The following CTNND2 variants were observed in gnomAD, a reference collection of about 807,000 sequenced individuals.
The protein encoded by CTNND2 is catenin delta-2.
In CTNND2, 22 loss-of-function variants were observed where a neutral mutation model predicts 144.4. That is an observed-to-expected ratio of 0.15 (90% CI 0.11 to 0.22). The LOEUF (loss-of-function observed/expected upper bound fraction) is 0.22, where lower values mean the gene tolerates loss of function less well. Ranked by LOEUF, CTNND2 falls within the 10% of genes least tolerant of loss-of-function variation. The pLI, the probability that CTNND2 is intolerant of heterozygous loss-of-function variation, is 1.00. For synonymous variants in CTNND2, 751 were observed against 695.6 expected, an observed-to-expected ratio of 1.08 and a Z score of -1.25; for missense variants, 1,353 against 1,618.8, an observed-to-expected ratio of 0.84 and a Z score of 2.82.
At position 11,346,690 on chromosome 5, in the gene CTNND2, A is replaced by G; in HGVS notation, c.1373-63T>C. The G allele has an allele frequency of 2.2e-6, 3 of 1,381,900 alleles. No individual in the cohort carries two copies. The South Asian group carries it at 5.3e-5, about 24-fold the overall frequency. The allele number at this position is 1,381,900 out of a possible 1,614,324, so 85.6% of individuals were successfully genotyped here. A position where few individuals can be genotyped will look rare whatever the true frequency, so the allele number is the denominator to read the frequency against. On this transcript the variant is annotated intron_variant, in intron 8 of 21. Transcript: ENST00000304623. ...GACCTGCTCACAGAAATGGTTAACC[A>G]GGTCTAGGCAGGGGCAGGGGAAGTT...
intron 1 of CTNND2, among the ~76,000 whole-genome samples, chr5:11,739,445 A>G (rs547021792): frequency 1.3e-5 from 2 of 152,320 alleles, no homozygotes; most frequent in African/African-American, 2.4e-5. Flanking sequence ...CCTTGCCTGC[A>G]AACTTTCAAC....
chr5:11,578,669 GAATAAATAAATA>G (rs57654816), intron 2 of CTNND2, among the ~76,000 whole-genome samples: 26 of 146,102 alleles, frequency 1.8e-4, no homozygotes, highest in South Asian at 1.1e-3. Context: ...ACAAATACAT[GAATAAATAAATA>G]AATAAATAAA....
At chr5:11,687,743 A>G (rs548190073) in intron 2 of CTNND2, among the ~76,000 whole-genome samples, 1 of 152,312 alleles carries the variant, frequency 6.6e-6, no homozygotes, top group Admixed American at 6.5e-5. Flanking sequence ...TCTAGTGGAG[A>G]CAGACACTGA....
intron 3 of CTNND2, among the ~76,000 whole-genome samples, chr5:11,492,744 C>G (rs116605343): frequency 0.016 from 2,489 of 151,532 alleles, 69 homozygotes; most frequent in African/African-American, 0.058. Context: ...ATATACATAC[C>G]TATATTTATT....
chr5:11,545,112 C>A (rs1775103258), intron 3 of CTNND2, among the ~76,000 whole-genome samples: 1 of 124,212 alleles, frequency 8.1e-6, no homozygotes, highest in South Asian at 2.7e-4. Flanking sequence ...CAGAGCGAGA[C>A]TCCGTCTCAA....
Position 11,212,800 on chromosome 5 carries a change from C to T in CTNND2, c.1762-13139G>A, listed in dbSNP as rs60443760. Among the ~76,000 whole-genome samples, 419 of 152,236 alleles carry T rather than the reference C, an allele frequency of 2.8e-3. 2 individuals are homozygous for T. Among genetic ancestry groups the T allele is most frequent in the African/African-American group, 9.7e-3 (401 of 41,552 alleles). ...GTAAGGGCCTGGGCCTGGGCCTGCA[C>T]GGAGCCCCTCCCAGAGGTAAGAGAC... On this transcript the variant is annotated intron_variant, in intron 10 of 21. Coordinates refer to ENST00000304623, the MANE Select transcript of CTNND2 (RefSeq NM_001332.4).
At chr5:11,612,376 T>C (rs985569119) in intron 2 of CTNND2, among the ~76,000 whole-genome samples, 5 of 152,296 alleles carry the variant, frequency 3.3e-5, no homozygotes, top group Admixed American at 6.5e-5. Flanking sequence ...TAAAGACTAG[T>C]ACTAAGTAGT....
chr5:11,467,004 C>G (rs1473162975), intron 3 of CTNND2, among the ~76,000 whole-genome samples: 3 of 152,192 alleles, frequency 2.0e-5, no homozygotes, highest in African/African-American at 7.2e-5. Flanking sequence ...AAGACCTGAG[C>G]CAGGACAGCT....
chr5:11,082,554 G>A lies in CTNND2; in HGVS notation c.2788+142C>T, dbSNP rs1319429851. 7 of 906,540 alleles carry A rather than the reference G, an allele frequency of 7.7e-6. No homozygotes were observed. In the African/African-American group the frequency reaches 1.2e-4, roughly 15 times the overall value. The allele number at this position is 906,540 out of a possible 1,614,324, so 56.2% of individuals were successfully genotyped here. A position where few individuals can be genotyped will look rare whatever the true frequency, so the allele number is the denominator to read the frequency against. On this transcript the variant is annotated intron_variant, in intron 16 of 21. Coordinates refer to ENST00000304623, the MANE Select transcript of CTNND2 (RefSeq NM_001332.4). ...TCAGTGCAGTGGATTTAAATCAGAA[G>A]GACAGCAGAAAAAATGAGGCTGCTA...
chr5:11,830,666 C>T (rs1400206903), intron 1 of CTNND2, among the ~76,000 whole-genome samples: 4 of 152,074 alleles, frequency 2.6e-5, no homozygotes, highest in Admixed American at 6.5e-5. Flanking sequence ...CGGACTAGTA[C>T]GGACTCCACG....
chr5:11,875,834 G>A (rs887979757), intron 1 of CTNND2, among the ~76,000 whole-genome samples: 4 of 152,164 alleles, frequency 2.6e-5, no homozygotes, highest in Non-Finnish European at 4.4e-5. Context: ...ACTATACTAG[G>A]AAGATTCAAT....
At position 11,198,505 on chromosome 5, in the gene CTNND2, C is replaced by T. The variant is rs139595115; in HGVS notation, c.1975+943G>A. ...TTGAATAATGTATTTTCTTTAAAAA[C>T]ACATTTTCATCTACTTCATCAGCAT... On this transcript the variant is annotated intron_variant, in intron 11 of 21. Transcript: ENST00000304623. Among the ~76,000 whole-genome samples, 123 of 152,252 alleles carry T rather than the reference C, an allele frequency of 8.1e-4. 1 individual carries two copies. The highest frequency in any genetic ancestry group is 2.7e-3 in the African/African-American group (112 of 41,550).
rs541365505 is a variant in CTNND2 at position 11,727,579 on chromosome 5, C to T, written c.174+4557G>A. ...ACAAGAAATAAAAATTCAGCAATCACGTAATTCTCACTTAAATTTTGATAT... is the reference window on the plus strand; with the variant it reads ...ACAAGAAATAAAAATTCAGCAATCATGTAATTCTCACTTAAATTTTGATAT... On this transcript the variant is annotated intron_variant, in intron 2 of 21. Coordinates refer to ENST00000304623, the MANE Select transcript of CTNND2 (RefSeq NM_001332.4). Among the ~76,000 whole-genome samples the T allele has an allele frequency of 1.4e-4, 21 of 152,214 alleles. No homozygotes were observed. The East Asian group carries it at 3.1e-3, about 22-fold the overall frequency.
intron 9 of CTNND2, among the ~76,000 whole-genome samples, chr5:11,326,753 G>A (rs545455121): frequency 6.6e-6 from 1 of 152,136 alleles, no homozygotes; most frequent in South Asian, 2.1e-4. Flanking sequence ...TGAGGCAGAA[G>A]GAAAAGAGCT....
intron 2 of CTNND2, among the ~76,000 whole-genome samples, chr5:11,663,415 T>C (rs79543037): frequency 0.024 from 3,618 of 152,240 alleles, 46 homozygotes; most frequent in East Asian, 0.056. Flanking sequence ...TAGAGTTATA[T>C]AACTATTAAG....
rs117384958 is a variant in CTNND2 at position 11,562,803 on chromosome 5, T to C, written c.287+2141A>G. 1.3e-3 allele frequency among the ~76,000 whole-genome samples: 194 copies of C among 152,362 alleles called. 1 individual carries two copies. In the East Asian group the frequency reaches 0.031, roughly 25 times the overall value. ...TGTAATAAATGAAATCAACTTGAGA[T>C]GAATCAAATCAAATGAGGAAAGAGG... On this transcript the variant is annotated intron_variant, in intron 3 of 21. Coordinates refer to ENST00000304623, the MANE Select transcript of CTNND2 (RefSeq NM_001332.4).
intron 2 of CTNND2, among the ~76,000 whole-genome samples, chr5:11,617,525 G>A (rs915962524): frequency 2.0e-5 from 3 of 152,100 alleles, no homozygotes; most frequent in Non-Finnish European, 4.4e-5. Context: ...TTCTTCACCT[G>A]GTTACTTAAC....
At chr5:11,314,223 T>C (rs1198075265) in intron 9 of CTNND2, among the ~76,000 whole-genome samples, 3 of 152,168 alleles carry the variant, frequency 2.0e-5, no homozygotes, top group Non-Finnish European at 4.4e-5. Flanking sequence ...CCCCTATGAA[T>C]TTCCTGACTT....
At chr5:11,172,857 G>A (rs1324033264) in intron 11 of CTNND2, among the ~76,000 whole-genome samples, 2 of 152,168 alleles carry the variant, frequency 1.3e-5, no homozygotes, top group African/African-American at 2.4e-5. Flanking sequence ...AGGTATGATG[G>A]ACACTGAATT....
Sources: allele counts gnomAD v4.1 joint callset (sites outside exome capture counted in the v4.1 genomes callset), GRCh38; gene constraint gnomAD v4.1.1; transcripts MANE v1.5; gene names NCBI Gene and HGNC (gene_info 2026-07-23, HGNC 2026-07-21).